TBRG4: variants seen among roughly 807,000 people sequenced by gnomAD.
TBRG4 encodes the protein FAST kinase domain-containing protein 4.
TBRG4 carries 43 observed loss-of-function variants against 65.6 expected under a neutral mutation model. The observed-to-expected ratio is 0.66, with a 90% CI of 0.51 to 0.85. The LOEUF (loss-of-function observed/expected upper bound fraction) is 0.85. TBRG4 is among the 40% of genes least tolerant of loss of function. The pLI is 0.00. For missense variants in TBRG4, 709 were observed against 787.9 expected (o/e 0.90, Z 1.20); for synonymous variants, 366 against 341.4 (o/e 1.07, Z -0.79).
chr7:45,105,331 T>G, intron 3 of TBRG4, 110 bp downstream of exon 3: 2 of 1,233,346 alleles, frequency 1.6e-6, no homozygotes, highest in Non-Finnish European at 2.2e-6. Context: ...CTCCCAGGGC[T>G]CTGATCCCAG....
intron 2 of TBRG4, among the ~76,000 whole-genome samples, chr7:45,108,604 C>T (rs955715714): frequency 3.3e-5 from 5 of 152,250 alleles, no homozygotes; most frequent in Non-Finnish European, 7.3e-5. Flanking sequence ...TGCGTCTTGG[C>T]TGTCTGTAAG....
chr7:45,100,272 C>A lies in TBRG4; in HGVS notation c.*53G>T, dbSNP rs369784522. 6.5e-7 allele frequency: 1 copy of A among 1,530,718 alleles called. No homozygotes were observed. Among genetic ancestry groups the A allele is most frequent in the Middle Eastern group, 1.8e-4 (1 of 5,498 alleles). 94.8% of individuals were successfully genotyped at this position (1,530,718 alleles called of 1,614,324 possible). A position where few individuals can be genotyped will look rare whatever the true frequency, so the allele number is the denominator to read the frequency against. On this transcript the variant is annotated 3_prime_UTR_variant, in exon 11 of 11. Coordinates refer to ENST00000258770, the MANE Select transcript of TBRG4 (RefSeq NM_004749.4). ...CCTCAAGGGTGACCCTTCTTGGCCG[C>A]CCACAGCTAGACCTCCGGCGGAGAG... is the stretch of plus-strand genomic sequence containing the variant.
At chr7:45,110,099 C>A (rs918883150) in intron 1 of TBRG4, among the ~76,000 whole-genome samples, 1 of 152,096 alleles carries the variant, frequency 6.6e-6, no homozygotes, top group African/African-American at 2.4e-5. Context: ...ACCCCCCCAC[C>A]AAATTTCTAA....
intron 3 of TBRG4, 168 bp downstream of exon 3, chr7:45,105,273 G>T: frequency 2.7e-6 from 2 of 739,116 alleles, no homozygotes; most frequent in East Asian, 2.7e-5. Flanking sequence ...TTGCAGCTCC[G>T]AGCCCTCTGG....
Position 45,105,161 on chromosome 7 carries a change from T to G in TBRG4, c.735+280A>C, listed in dbSNP as rs1784899549. On this transcript the variant is annotated intron_variant, in intron 3 of 10. Transcript: ENST00000258770. ...CCATGCCCCCCTCTCAAGATCGTGC[T>G]GTGATGGGGTTTGGGGGAAAGATAA... The G allele has an allele frequency of 7.9e-6, 5 of 636,410 alleles. No homozygotes were observed. The South Asian group carries it at 8.4e-5, about 11-fold the overall frequency. The allele number at this position is 636,410 out of a possible 1,614,324, so 39.4% of individuals were successfully genotyped here. A position where few individuals can be genotyped will look rare whatever the true frequency, so the allele number is the denominator to read the frequency against.
At chr7:45,103,305 T>G in intron 6 of TBRG4, 28 bp downstream of exon 6, 1 of 1,564,860 alleles carries the variant, frequency 6.4e-7, no homozygotes. Flanking sequence ...AGGATAAAGG[T>G]CGAGCAGTGG....
chr7:45,108,937 C>T lies in TBRG4; in HGVS notation c.301G>A (p.Ala101Thr). The T allele has an allele frequency of 6.2e-7, 1 of 1,612,436 alleles. No individual in the cohort carries two copies. Among genetic ancestry groups the T allele is most frequent in the Non-Finnish European group, 8.5e-7 (1 of 1,179,256 alleles). The change falls in exon 2 of 11, where the codon GCA (alanine) becomes ACA (threonine). Residue 101 changes from alanine to threonine, a missense_variant. Ala to Thr is a moderately conservative substitution (Grantham distance 58). Coordinates refer to ENST00000258770, the MANE Select transcript of TBRG4 (RefSeq NM_004749.4). ...TGAGAGAGCCGGATAAGTACCATTG[C>T]TGCTTGATTGCTGTCCAAGTCGTGA... is the stretch of plus-strand genomic sequence containing the variant. ...GSHDLDSNQA[A>T]MVLIRLSHLL...
Position 45,105,757 on chromosome 7 carries a change from G to A in TBRG4, c.419C>T (p.Ser140Leu), listed in dbSNP as rs1032034543. 5.6e-6 allele frequency: 9 copies of A among 1,605,412 alleles called. No homozygotes were observed. The highest frequency in any genetic ancestry group is 4.0e-5 in the African/African-American group (3 of 74,746). Reference protein sequence around the residue: ...LLCLLNSQIASVWHGTLSKLL... With the variant: ...LLCLLNSQIALVWHGTLSKLL... ...CTTCGAGAGGGTACCATGCCAGACC[G>A]AGGCAATCTAGGCAGAGAAAGGACA... Residue 140 changes from serine to leucine, a missense_variant, in exon 3 of 11, where the codon TCG (serine) becomes TTG (leucine). By Grantham distance (145) the Ser-to-Leu change is moderately radical. Transcript: ENST00000258770.
At chr7:45,108,012 T>C (rs543516694) in intron 2 of TBRG4, among the ~76,000 whole-genome samples, 1 of 152,362 alleles carries the variant, frequency 6.6e-6, no homozygotes, top group South Asian at 2.1e-4. Flanking sequence ...TGGTATTTTT[T>C]ATACTACTCT....
rs1785124072 is a variant in TBRG4 at position 45,111,481 on chromosome 7, C to G, written c.-51+162G>C. 1.7e-5 allele frequency: 15 copies of G among 877,964 alleles called. No homozygotes were observed. The South Asian group carries it at 2.2e-4, about 13-fold the overall frequency. The allele number at this position is 877,964 out of a possible 1,614,324, so 54.4% of individuals were successfully genotyped here. A position where few individuals can be genotyped will look rare whatever the true frequency, so the allele number is the denominator to read the frequency against. On this transcript the variant is annotated intron_variant, in intron 1 of 10. Transcript: ENST00000258770. The stretch of plus-strand genomic sequence containing the variant: ...GCTAGAGAGGAAGCGTGCGCACTGG[C>G]AAGCCAGCACGGAACGAGCAGACGG...
chr7:45,101,664 AC>A (rs766003233), intron 8 of TBRG4, 50 bp from the exon 9 acceptor site: 15 of 1,599,434 alleles, frequency 9.4e-6, no homozygotes, highest in South Asian at 1.1e-5. Context: ...TCCCTCAGAA[AC>A]CCCCCCACAG....
intron 2 of TBRG4, chr7:45,107,801 A>G (rs1785007021): frequency 6.5e-6 from 1 of 154,080 alleles, no homozygotes; most frequent in South Asian, 2.0e-4. Context: ...GTGAGTAAAA[A>G]GAGTCAATAA....
intron 2 of TBRG4, chr7:45,107,289 T>C (rs1784988853): frequency 6.6e-6 from 1 of 152,258 alleles, no homozygotes; most frequent in East Asian, 1.9e-4. Flanking sequence ...TATTTCTACA[T>C]AGTTCTGGGT....
chr7:45,102,351 A>G lies in TBRG4; in HGVS notation c.1317T>C (p.Phe439=), dbSNP rs1784793649. 1.2e-6 allele frequency: 2 copies of G among 1,614,094 alleles called. No individual in the cohort carries two copies. Among genetic ancestry groups the G allele is most frequent in the Middle Eastern group, 1.6e-4 (1 of 6,062 alleles). The part of the protein sequence containing the change: ...AVLHPEFHIQ[F]LGGKSQKDQN... The stretch of plus-strand genomic sequence containing the variant: ...TACTAGGGGCAGGGGGCTCACCTAG[A>G]AATTGGATGTGAAATTCAGGGTGGA... Residue 439 remains phenylalanine (F), a synonymous_variant, in exon 7 of 11, where the codon TTT becomes TTC. Transcript: ENST00000258770.
intron 6 of TBRG4, 59 bp downstream of exon 6, chr7:45,103,274 A>G: frequency 7.1e-7 from 1 of 1,407,648 alleles, no homozygotes; most frequent in Non-Finnish European, 9.9e-7. Context: ...AGGACGGTTC[A>G]TGAGCCATTA....
chr7:45,100,284 C>A lies in TBRG4; in HGVS notation c.*41G>T, dbSNP rs1358034392. The A allele has an allele frequency of 3.8e-6, 6 of 1,572,456 alleles. No individual in the cohort carries two copies. The highest frequency in any genetic ancestry group is 1.3e-5 in the African/African-American group (1 of 74,284). On this transcript the variant is annotated 3_prime_UTR_variant, in exon 11 of 11. Coordinates refer to ENST00000258770, the MANE Select transcript of TBRG4 (RefSeq NM_004749.4). The stretch of plus-strand genomic sequence containing the variant: ...CCCTTCTTGGCCGCCCACAGCTAGA[C>A]CTCCGGCGGAGAGGCACGCAGTCCA...
chr7:45,100,449 G>A, intron 10 of TBRG4, 23 bp from the exon 11 acceptor site: 1 of 1,588,214 alleles, frequency 6.3e-7, no homozygotes. Context: ...AGGGGAGACA[G>A]GTCACATGGG....
rs201114880 is a variant in TBRG4 at position 45,105,498 on chromosome 7, G to T, written c.678C>A (p.Thr226=). Residue 226 remains threonine, a synonymous_variant, in exon 3 of 11, where the codon ACC becomes ACA. Coordinates refer to ENST00000258770, the MANE Select transcript of TBRG4 (RefSeq NM_004749.4). ...TEIEDSHTLV[T]VMMKVGHLSE... Reference sequence around the variant, plus strand: ...AGAGGTGTCCCACCTTCATCATGACGGTCACTAATGTGTGGGAATCTTCAA... The same window carrying T: ...AGAGGTGTCCCACCTTCATCATGACTGTCACTAATGTGTGGGAATCTTCAA... 6.2e-7 allele frequency: 1 copy of T among 1,613,942 alleles called. No homozygotes were observed. The highest frequency in any genetic ancestry group is 2.2e-5 in the East Asian group (1 of 44,884).
rs1784881600 is a variant in TBRG4 at position 45,104,696 on chromosome 7, A to C, written c.749T>G (p.Val250Gly). 1.2e-6 allele frequency: 2 copies of C among 1,613,588 alleles called. No homozygotes were observed. Among genetic ancestry groups the C allele is most frequent in the Admixed American group, 3.3e-5 (2 of 59,992 alleles). ...CAGCTCATTGGGGCCAAAGTGCTCCACCAACTCCAGGCACTGTCAACCACA... is the reference window on the plus strand; with the variant it reads ...CAGCTCATTGGGGCCAAAGTGCTCCCCCAACTCCAGGCACTGTCAACCACA... ...NRLEDKCLELVEHFGPNELRK... is the reference protein window; with the variant it reads ...NRLEDKCLELGEHFGPNELRK... Residue 250 changes from valine (V) to glycine (G), a missense_variant, in exon 4 of 11, where the codon GTG becomes GGG. Coordinates refer to ENST00000258770, the MANE Select transcript of TBRG4 (RefSeq NM_004749.4).
Sources: gnomAD v4.1 joint callset for allele counts (sites outside exome capture counted in the v4.1 genomes callset) on GRCh38, gnomAD v4.1.1 for gene constraint, MANE v1.5 for transcripts, NCBI Gene and HGNC (gene_info 2026-07-23, HGNC 2026-07-21) for gene names.